The following ZNF280D variants were observed in gnomAD, a reference collection of about 807,000 sequenced individuals.
ZNF280D encodes the protein suppressor of hairy wing homolog 4.
A neutral mutation model predicts 94.7 loss-of-function variants in ZNF280D; 39 were observed. The observed-to-expected ratio is 0.41, with a 90% CI of 0.32 to 0.54. The LOEUF (loss-of-function observed/expected upper bound fraction) is 0.54. Among genes scored for constraint, ZNF280D ranks in the 20% least tolerant of loss-of-function variants. The pLI, the probability that ZNF280D is intolerant of heterozygous loss-of-function variation, is 0.22. For missense variants in ZNF280D, 1,090 were observed against 1,149.3 expected, an observed-to-expected ratio of 0.95 and a Z score of 0.75; for synonymous variants, 398 against 377.6, an observed-to-expected ratio of 1.05 and a Z score of -0.63.
intron 16 of ZNF280D, among the ~76,000 whole-genome samples, chr15:56,661,226 T>TA (rs1442655633): frequency 1.3e-5 from 2 of 152,098 alleles, no homozygotes; most frequent in African/African-American, 4.8e-5. Context: ...ACTGTGAAGA[T>TA]ATAGAAGAAT....
At chr15:56,723,231 T>TAAAA (rs547008066) in intron 1 of ZNF280D, among the ~76,000 whole-genome samples, 43 of 90,978 alleles carry the variant, frequency 4.7e-4, no homozygotes, top group African/African-American at 9.2e-4. Flanking sequence ...AGTATAATAA[T>TAAAA]AAAAAAATAA....
intron 1 of ZNF280D, among the ~76,000 whole-genome samples, chr15:56,716,035 C>G (rs1343999465): frequency 6.6e-6 from 1 of 152,074 alleles, no homozygotes; most frequent in Non-Finnish European, 1.5e-5. Flanking sequence ...TAGGTTATAT[C>G]CAAGTACTAC....
At chr15:56,665,893 T>C (rs192251040) in intron 16 of ZNF280D, among the ~76,000 whole-genome samples, 2 of 152,282 alleles carry the variant, frequency 1.3e-5, no homozygotes, top group South Asian at 2.1e-4. Flanking sequence ...CCCAGCACTT[T>C]GGGAGGCCAA....
chr15:56,652,090 AAACTACTTGCGGAGATTT>A (rs371151098), intron 19 of ZNF280D, among the ~76,000 whole-genome samples: 141 of 152,190 alleles, frequency 9.3e-4, no homozygotes, highest in African/African-American at 3.3e-3. Context: ...ACTAAGAAAC[AAACTACTTGCGGAGATTT>A]TGGAAAACCT....
At chr15:56,632,266 G>A (rs2052115094) in intron 21 of ZNF280D, 144 bp from the exon 22 acceptor site, 12 of 731,888 alleles carry the variant, frequency 1.6e-5, no homozygotes, top group Middle Eastern at 4.1e-4. Context: ...CCCAATCCTC[G>A]CTATGGCAGT....
In ZNF280D at chr15:56,684,673, G is replaced by A. The variant is rs180776736; in HGVS notation, c.781-2196C>T. ...TTAGGAAGGAATACAGTGGTGAGTAGACATTGCAAATAAAATAAAGGAAAC... is the reference window on the plus strand; with the variant it reads ...TTAGGAAGGAATACAGTGGTGAGTAAACATTGCAAATAAAATAAAGGAAAC... On this transcript the variant is annotated intron_variant, in intron 9 of 21. Transcript: ENST00000267807. Among the ~76,000 whole-genome samples the A allele has an allele frequency of 2.6e-5, 4 of 151,186 alleles. No individual in the cohort carries two copies. The East Asian group carries it at 5.8e-4, about 22-fold the overall frequency.
At chr15:56,720,610 AG>A (rs1450198931) in intron 1 of ZNF280D, among the ~76,000 whole-genome samples, 1 of 152,176 alleles carries the variant, frequency 6.6e-6, no homozygotes, top group Non-Finnish European at 1.5e-5. Flanking sequence ...CATAATCTAC[AG>A]CAGTTACACC....
intron 1 of ZNF280D, among the ~76,000 whole-genome samples, chr15:56,715,552 A>G (rs1198247907): frequency 6.6e-6 from 1 of 152,164 alleles, no homozygotes; most frequent in Admixed American, 6.6e-5. Context: ...CAATTTATGC[A>G]TGAGTAGAGA....
intron 1 of ZNF280D, among the ~76,000 whole-genome samples, chr15:56,728,894 T>G (rs1213855733): frequency 7.9e-5 from 12 of 152,182 alleles, no homozygotes; most frequent in Non-Finnish European, 2.9e-5. Flanking sequence ...TAGACTAATA[T>G]AAATGTTCTG....
At chr15:56,688,263 C>T (rs568287203) in intron 9 of ZNF280D, among the ~76,000 whole-genome samples, 9 of 152,074 alleles carry the variant, frequency 5.9e-5, no homozygotes, top group South Asian at 2.1e-4. Context: ...GAGGTTGAGG[C>T]GGGCGGATCA....
At position 56,654,501 on chromosome 15, in the gene ZNF280D, C is replaced by G; in HGVS notation, c.2060G>C (p.Gly687Ala). 6.4e-7 allele frequency: 1 copy of G among 1,566,666 alleles called. No homozygotes were observed. Among genetic ancestry groups the G allele is most frequent in the Non-Finnish European group, 8.6e-7 (1 of 1,165,014 alleles). Residue 687 changes from glycine to alanine, a missense_variant and splice_region_variant, in exon 18 of 22, where the codon GGC (glycine) becomes GCC (alanine). This residue lies in a region of ZNF280D where 577 missense variants were observed against 568.8 expected (regional missense o/e 1.01). Transcript: ENST00000267807. ...ACAATTAAGGCACACTAGAGTAATGCCCCTAAAAAAAAAAGCATTAAAAAA... is the reference window on the plus strand; with the variant it reads ...ACAATTAAGGCACACTAGAGTAATGGCCCTAAAAAAAAAAGCATTAAAAAA... ...IFKKHSENLR[G>A]ITLVCLNCDF...
At chr15:56,700,895 G>A in intron 6 of ZNF280D, 38 bp downstream of exon 6, 1 of 1,613,648 alleles carries the variant, frequency 6.2e-7, no homozygotes, top group Non-Finnish European at 8.5e-7. Context: ...ACATCCAATG[G>A]ATCCCTGAGC....
intron 21 of ZNF280D, among the ~76,000 whole-genome samples, chr15:56,633,252 A>T (rs182243056): frequency 6.6e-6 from 1 of 152,270 alleles, no homozygotes; most frequent in Admixed American, 6.5e-5. Flanking sequence ...CTATTTATAT[A>T]AGGCTATTTC....
intron 9 of ZNF280D, among the ~76,000 whole-genome samples, chr15:56,688,498 A>G (rs1336751598): frequency 6.6e-6 from 1 of 151,824 alleles, no homozygotes; most frequent in Non-Finnish European, 1.5e-5. Flanking sequence ...TCAAAAAAAA[A>G]AAAAAAAAAA....
At chr15:56,708,924 A>T (rs1459844614) in intron 1 of ZNF280D, among the ~76,000 whole-genome samples, 6 of 152,178 alleles carry the variant, frequency 3.9e-5, no homozygotes, top group Admixed American at 6.5e-5. Context: ...AACCTAGGCA[A>T]TACCATTCAG....
intron 4 of ZNF280D, among the ~76,000 whole-genome samples, chr15:56,703,013 A>G (rs2141209633): frequency 6.6e-6 from 1 of 152,242 alleles, no homozygotes; most frequent in East Asian, 1.9e-4. Context: ...GGCTTCAAAC[A>G]AACAAGTAAA....
chr15:56,713,937 T>C (rs1285449963), intron 1 of ZNF280D, among the ~76,000 whole-genome samples: 1 of 152,064 alleles, frequency 6.6e-6, no homozygotes, highest in Non-Finnish European at 1.5e-5. Context: ...AAAATGTAAA[T>C]CATAAGCGAT....
intron 16 of ZNF280D, among the ~76,000 whole-genome samples, chr15:56,665,938 C>T (rs1357832276): frequency 6.6e-6 from 1 of 152,070 alleles, no homozygotes; most frequent in South Asian, 2.1e-4. Context: ...CAGTTTGAGA[C>T]CAGCCTGGCC....
chr15:56,654,205 G>A lies in ZNF280D; in HGVS notation c.2206C>T (p.Leu736Phe). 1 of 1,609,366 alleles carries A rather than the reference G, an allele frequency of 6.2e-7. No homozygotes were observed. Among genetic ancestry groups the A allele is most frequent in the Non-Finnish European group, 8.5e-7 (1 of 1,178,680 alleles). Residue 736 changes from leucine to phenylalanine, a missense_variant, in exon 19 of 22, where the codon CTT becomes TTT. Around this residue, in one of 3 missense-constraint regions of ZNF280D, gnomAD observed 577 missense variants for 568.8 expected, o/e 1.01. Coordinates refer to ENST00000267807, the MANE Select transcript of ZNF280D (RefSeq NM_017661.4). ...AATAAAAATTAAACTTACTCAGAAA[G>A]GTGCTCAGAAGTTGGGATACAAACA... ...VSVCIPTSEH[L>F]SELKKEAPAK...
Sources: allele counts gnomAD v4.1 joint callset (sites outside exome capture counted in the v4.1 genomes callset), GRCh38; gene constraint gnomAD v4.1.1; regional missense constraint gnomAD v4.1.1; transcripts MANE v1.5; gene names NCBI Gene and HGNC (gene_info 2026-07-23, HGNC 2026-07-21).